EMILIN1: variants seen among roughly 807,000 people sequenced by gnomAD.
The protein encoded by EMILIN1 is EMILIN-1.
Under a neutral mutation model 82.4 loss-of-function variants are expected in EMILIN1, and 49 were observed. The ratio of observed to expected loss-of-function variants is 0.59; its 90% CI spans 0.47 to 0.75. The LOEUF is 0.75. Ranked by LOEUF, EMILIN1 falls within the 30% of genes least tolerant of loss-of-function variation. The pLI, the probability that EMILIN1 is intolerant of heterozygous loss-of-function variation, is 0.00. For missense variants in EMILIN1, 1,313 were observed against 1,366.4 expected, an observed-to-expected ratio of 0.96 and a Z score of 0.62; for synonymous variants, 604 against 602.2, an observed-to-expected ratio of 1.00 and a Z score of -0.04.
At chr2:27,084,139 G>A in intron 4 of EMILIN1, 128 bp downstream of exon 4, 1 of 1,093,806 alleles carries the variant, frequency 9.1e-7, no homozygotes, top group Non-Finnish European at 1.3e-6. Context: ...GCCCCAGCCA[G>A]TATTCCAGGT....
Position 27,082,067 on chromosome 2 carries a change from C to A in EMILIN1, c.512-16C>A. On this transcript the variant is annotated splice_polypyrimidine_tract_variant and intron_variant, in intron 3 of 7. Coordinates refer to ENST00000380320, the MANE Select transcript of EMILIN1 (RefSeq NM_007046.4). ...GGGGTCCAGCCCCTCTGCCTTCTGC[C>A]TTCCCCTCTCCTCAGGTCCTGGGGA... 1 of 1,593,624 alleles carries A rather than the reference C, an allele frequency of 6.3e-7. No individual in the cohort carries two copies. Among genetic ancestry groups the A allele is most frequent in the South Asian group, 1.1e-5 (1 of 88,876 alleles).
In EMILIN1 at chr2:27,078,870, A is replaced by G; in HGVS notation, c.-196A>G. On this transcript the variant is annotated 5_prime_UTR_variant, in exon 1 of 8. Coordinates refer to ENST00000380320, the MANE Select transcript of EMILIN1 (RefSeq NM_007046.4). ...ACCGAGAGGGGACGGACAGGAGCTG[A>G]GGAGGAAAGAGGAGGGGAGAGGGGT... 2.0e-6 allele frequency: 1 copy of G among 498,834 alleles called. No homozygotes were observed. The highest frequency in any genetic ancestry group is 4.0e-5 in the Admixed American group (1 of 24,768). The allele number at this position is 498,834 out of a possible 1,614,324, so 30.9% of individuals were successfully genotyped here. A position where few individuals can be genotyped will look rare whatever the true frequency, so the allele number is the denominator to read the frequency against.
At chr2:27,081,472 G>C (rs1669475766) in intron 3 of EMILIN1, among the ~76,000 whole-genome samples, 1 of 152,054 alleles carries the variant, frequency 6.6e-6, no homozygotes, top group South Asian at 2.1e-4. Context: ...CTGTTTCCCT[G>C]CCCCGAGATA....
Position 27,083,840 on chromosome 2 carries a change from G to T in EMILIN1, c.2269G>T (p.Gly757Trp). 1 of 1,601,130 alleles carries T rather than the reference G, an allele frequency of 6.2e-7. No individual in the cohort carries two copies. Among genetic ancestry groups the T allele is most frequent in the South Asian group, 1.1e-5 (1 of 90,338 alleles). ...CGAGGGCCTTTCCAGACACGTGGCTGGGCTCTGGGCTGGGCTCCGGGAAAC... is the reference window on the plus strand; with the variant it reads ...CGAGGGCCTTTCCAGACACGTGGCTTGGCTCTGGGCTGGGCTCCGGGAAAC... ...LREGLSRHVA[G>W]LWAGLRETNT... Residue 757 changes from glycine (G) to tryptophan (W), a missense_variant, in exon 4 of 8, where the codon GGG becomes TGG. Coordinates refer to ENST00000380320, the MANE Select transcript of EMILIN1 (RefSeq NM_007046.4).
Position 27,083,832 on chromosome 2 carries a change from A to C in EMILIN1, c.2261A>C (p.His754Pro), listed in dbSNP as rs1179059697. ...LQGLREGLSR[H>P]VAGLWAGLRE... ...GGCCTGCGCGAGGGCCTTTCCAGAC[A>C]CGTGGCTGGGCTCTGGGCTGGGCTC... Residue 754 changes from histidine (H) to proline (P), a missense_variant, in exon 4 of 8, where the codon CAC (histidine) becomes CCC (proline). Coordinates refer to ENST00000380320, the MANE Select transcript of EMILIN1 (RefSeq NM_007046.4). 2 of 1,599,888 alleles carry C rather than the reference A, an allele frequency of 1.3e-6. No homozygotes were observed. The highest frequency in any genetic ancestry group is 1.7e-6 in the Non-Finnish European group (2 of 1,169,490).
chr2:27,079,382 T>A, intron 1 of EMILIN1, 147 bp downstream of exon 1: 1 of 677,372 alleles, frequency 1.5e-6, no homozygotes, highest in South Asian at 2.2e-5. Context: ...CATGCCCACC[T>A]TCCCACGGGG....
chr2:27,083,802 T>A lies in EMILIN1; in HGVS notation c.2231T>A (p.Leu744Gln). ...CERLDTVAGG[L>Q]QGLREGLSRH... ...CGGTTGGACACTGTGGCTGGGGGAC[T>A]GCAGGGCCTGCGCGAGGGCCTTTCC... Residue 744 changes from leucine (L) to glutamine (Q), a missense_variant, in exon 4 of 8, where the codon CTG (leucine) becomes CAG (glutamine). Physicochemically the swap from Leu to Gln is moderately radical, Grantham distance 113. Transcript: ENST00000380320. 1 of 1,601,682 alleles carries A rather than the reference T, an allele frequency of 6.2e-7. No homozygotes were observed. Among genetic ancestry groups the A allele is most frequent in the Non-Finnish European group, 8.5e-7 (1 of 1,170,272 alleles).
At chr2:27,084,876 C>T (rs1008778903) in intron 5 of EMILIN1, 115 bp from the exon 6 acceptor site, 8 of 989,276 alleles carry the variant, frequency 8.1e-6, no homozygotes, top group Non-Finnish European at 1.3e-5. Context: ...TACCCCAATT[C>T]CTGCTTTGAA....
chr2:27,086,309 T>A lies in EMILIN1; in HGVS notation c.*294T>A, dbSNP rs1572850221. ...CCGCTCCCTCCACTGGCCCTCCAGG[T>A]CGATTCCCTGGGCTCCAGGCTCCCC... On this transcript the variant is annotated 3_prime_UTR_variant, in exon 8 of 8. Transcript: ENST00000380320. The A allele has an allele frequency of 3.6e-5, 12 of 332,090 alleles. No homozygotes were observed. The East Asian group carries it at 5.6e-4, about 15-fold the overall frequency. 20.6% of individuals were successfully genotyped at this position (332,090 alleles called of 1,614,324 possible). A position where few individuals can be genotyped will look rare whatever the true frequency, so the allele number is the denominator to read the frequency against.
intron 6 of EMILIN1, 47 bp from the exon 7 acceptor site, chr2:27,085,113 G>A: frequency 6.2e-7 from 1 of 1,613,504 alleles, no homozygotes; most frequent in Non-Finnish European, 8.5e-7. Flanking sequence ...AAGGGGGCTG[G>A]CACTCTGCCC....
At position 27,082,853 on chromosome 2, in the gene EMILIN1, T is replaced by C; in HGVS notation, c.1282T>C (p.Trp428Arg). Residue 428 changes from tryptophan (W) to arginine (R), a missense_variant, in exon 4 of 8, where the codon TGG (tryptophan) becomes CGG (arginine). Coordinates refer to ENST00000380320, the MANE Select transcript of EMILIN1 (RefSeq NM_007046.4). ...LGPSEEQEES[W>R]PGAPGGLSHW... ...CCCTTCGGAGGAGCAGGAGGAGAGC[T>C]GGCCTGGGGCTCCTGGGGGGCTGAG... is the stretch of plus-strand genomic sequence containing the variant. 1 of 1,583,542 alleles carries C rather than the reference T, an allele frequency of 6.3e-7. No homozygotes were observed. Among genetic ancestry groups the C allele is most frequent in the South Asian group, 1.1e-5 (1 of 88,394 alleles).
intron 7 of EMILIN1, 75 bp downstream of exon 7, chr2:27,085,372 C>T: frequency 1.3e-6 from 2 of 1,554,326 alleles, no homozygotes; most frequent in Non-Finnish European, 1.8e-6. Context: ...CCATTCTTGC[C>T]TTTTCCGACA....
chr2:27,079,037 C>A lies in EMILIN1; in HGVS notation c.-29C>A. 1.3e-6 allele frequency: 2 copies of A among 1,508,598 alleles called. No homozygotes were observed. The highest frequency in any genetic ancestry group is 8.8e-7 in the Non-Finnish European group (1 of 1,131,662). The allele number at this position is 1,508,598 out of a possible 1,614,324, so 93.5% of individuals were successfully genotyped here. On this transcript the variant is annotated 5_prime_UTR_variant, in exon 1 of 8. Transcript: ENST00000380320. ...GCGCCAGTGGCTGGGCGGGATGAGT[C>A]TCTGAGGGCCACTGTGGAGCGCCCC...
intron 3 of EMILIN1, 138 bp from the exon 4 acceptor site, chr2:27,081,943 CTT>C: frequency 9.4e-7 from 1 of 1,067,174 alleles, no homozygotes. Context: ...AATGGAGTTT[CTT>C]TTTTTTTCTC....
chr2:27,082,788 G>T lies in EMILIN1; in HGVS notation c.1217G>T (p.Arg406Leu), dbSNP rs552677456. ...HPPGYTSLASRLSRLEDRFNS... is the reference protein window; with the variant it reads ...HPPGYTSLASLLSRLEDRFNS... ...CCAGGCTACACCAGCTTGGCCTCCC[G>T]CCTGTCTCGCCTGGAGGACCGCTTC... Residue 406 changes from arginine (R) to leucine (L), a missense_variant, in exon 4 of 8, where the codon CGC (arginine) becomes CTC (leucine). Transcript: ENST00000380320. 11 of 1,545,270 alleles carry T rather than the reference G, an allele frequency of 7.1e-6. No homozygotes were observed. Among genetic ancestry groups the T allele is most frequent in the Admixed American group, 1.9e-5 (1 of 51,488 alleles).
chr2:27,082,105 G>A lies in EMILIN1; in HGVS notation c.534G>A (p.Val178=). Residue 178 remains valine (V), a synonymous_variant, in exon 4 of 8, where the codon GTG becomes GTA. Coordinates refer to ENST00000380320, the MANE Select transcript of EMILIN1 (RefSeq NM_007046.4). The part of the protein sequence containing the change: ...GGEGPGESEK[V]QQLEEQVQSL... ...CAGGTCCTGGGGAGTCAGAGAAGGTGCAGCAGCTGGAGGAACAGGTGCAGA... is the reference window on the plus strand; with the variant it reads ...CAGGTCCTGGGGAGTCAGAGAAGGTACAGCAGCTGGAGGAACAGGTGCAGA... The A allele has an allele frequency of 4.3e-6, 7 of 1,613,036 alleles. No homozygotes were observed. Among genetic ancestry groups the A allele is most frequent in the South Asian group, 1.1e-5 (1 of 91,024 alleles).
chr2:27,082,157 C>T lies in EMILIN1; in HGVS notation c.586C>T (p.Arg196Trp), dbSNP rs552750550. The change falls in exon 4 of 8, where the codon CGG becomes TGG. Residue 196 changes from arginine (R) to tryptophan (W), a missense_variant. Arg to Trp is a moderately radical substitution (Grantham distance 101). Transcript: ENST00000380320. ...QSLTKELQGLRGVLQGLSGRL... is the reference protein window; with the variant it reads ...QSLTKELQGLWGVLQGLSGRL... ...CCTGACCAAGGAGCTGCAAGGCCTG[C>T]GGGGCGTCCTGCAAGGACTGAGCGG... is the stretch of plus-strand genomic sequence containing the variant. 5.5e-5 allele frequency: 89 copies of T among 1,613,724 alleles called. No homozygotes were observed. The highest frequency in any genetic ancestry group is 7.1e-5 in the Non-Finnish European group (84 of 1,180,010).
rs375599106 is a variant in EMILIN1 at position 27,083,163 on chromosome 2, C to T, written c.1592C>T (p.Thr531Met). 164 of 1,606,852 alleles carry T rather than the reference C, an allele frequency of 1.0e-4. No homozygotes were observed. The highest frequency in any genetic ancestry group is 3.8e-4 in the South Asian group (34 of 90,110). The change falls in exon 4 of 8, where the codon ACG becomes ATG. Residue 531 changes from threonine to methionine, a missense_variant. By Grantham distance (81) the Thr-to-Met change is moderately conservative. Transcript: ENST00000380320. The stretch of plus-strand genomic sequence containing the variant: ...GCAGCGGGGGAGGCCCGGCAGGCCA[C>T]GCTGGAGGGATTACAAGAGGTTGTG... ...VEAAGEARQA[T>M]LEGLQEVVGR... is the part of the protein sequence containing the mutation.
Position 27,086,311 on chromosome 2 carries a change from G to A in EMILIN1, c.*296G>A. 1 of 332,656 alleles carries A rather than the reference G, an allele frequency of 3.0e-6. No homozygotes were observed. Among genetic ancestry groups the A allele is most frequent in the Non-Finnish European group, 5.4e-6 (1 of 184,142 alleles). 20.6% of individuals were successfully genotyped at this position (332,656 alleles called of 1,614,324 possible). On this transcript the variant is annotated 3_prime_UTR_variant, in exon 8 of 8. Transcript: ENST00000380320. ...GCTCCCTCCACTGGCCCTCCAGGTCGATTCCCTGGGCTCCAGGCTCCCCCG... is the reference window on the plus strand; with the variant it reads ...GCTCCCTCCACTGGCCCTCCAGGTCAATTCCCTGGGCTCCAGGCTCCCCCG...
Sources: allele counts gnomAD v4.1 joint callset (sites outside exome capture counted in the v4.1 genomes callset), GRCh38; gene constraint gnomAD v4.1.1; transcripts MANE v1.5; gene names NCBI Gene and HGNC (gene_info 2026-07-23, HGNC 2026-07-21).